Variants in PPP2R2B observed in about 807,000 individuals in gnomAD.
The protein encoded by PPP2R2B is protein phosphatase 2 regulatory subunit Bbeta.
Under a neutral mutation model 46.0 loss-of-function variants are expected in PPP2R2B, and 5 were observed. That is an observed-to-expected ratio of 0.11 (90% confidence interval 0.06 to 0.23). The LOEUF is 0.23. PPP2R2B is among the 10% of genes least tolerant of loss of function. PPP2R2B has a pLI of 1.00. For missense variants in PPP2R2B, 367 were observed against 575.0 expected (o/e 0.64, Z 3.70); for synonymous variants, 215 against 206.7 (o/e 1.04, Z -0.34).
At chr5:146,794,391 C>T (rs1756392380) in intron 2 of PPP2R2B, among the ~76,000 whole-genome samples, 1 of 152,170 alleles carries the variant, frequency 6.6e-6, no homozygotes, top group South Asian at 2.1e-4. Context: ...TTTCATTTGT[C>T]AGTGGAGACC....
intron 1 of PPP2R2B, among the ~76,000 whole-genome samples, chr5:146,926,539 C>T (rs1018681590): frequency 3.3e-5 from 5 of 151,932 alleles, no homozygotes; most frequent in South Asian, 2.1e-4. Context: ...CCACAGGCTC[C>T]GATTTTATTT....
At chr5:146,892,024 G>A (rs1762506232) in intron 1 of PPP2R2B, among the ~76,000 whole-genome samples, 1 of 152,178 alleles carries the variant, frequency 6.6e-6, no homozygotes, top group South Asian at 2.1e-4. Flanking sequence ...TTAGCAGAGT[G>A]ACACTTTCCA....
chr5:146,990,584 CAAAT>C lies in PPP2R2B; in HGVS notation c.79+65077_79+65080del, dbSNP rs1440177597. ...AAAATGAACTCTAAATAAATTAAGA[CAAAT>C]ACAAGGCTTAAAACTATGAAACTAT... On this transcript the variant is annotated intron_variant, in intron 1 of 8. Coordinates refer to the PPP2R2B transcript ENST00000336640. 2.6e-5 allele frequency among the ~76,000 whole-genome samples: 4 copies of C among 151,914 alleles called. No homozygotes were observed. In the East Asian group the frequency reaches 7.7e-4, roughly 29 times the overall value.
intron 2 of PPP2R2B, among the ~76,000 whole-genome samples, chr5:146,860,951 C>A (rs1404173743): frequency 6.6e-6 from 1 of 152,030 alleles, no homozygotes; most frequent in African/African-American, 2.4e-5. Context: ...CCTTTTCACC[C>A]AGATCTTCAG....
chr5:147,021,418 T>A (rs1274961157), intron 1 of PPP2R2B, among the ~76,000 whole-genome samples: 1 of 152,196 alleles, frequency 6.6e-6, no homozygotes, highest in Non-Finnish European at 1.5e-5. Context: ...AGAAGTCCTA[T>A]TGAGTCTTTG....
intron 1 of PPP2R2B, among the ~76,000 whole-genome samples, chr5:146,961,138 C>A (rs992109469): frequency 6.6e-6 from 1 of 152,110 alleles, no homozygotes; most frequent in Non-Finnish European, 1.5e-5. Flanking sequence ...TTTGCATTAT[C>A]ATTTTTAAAG....
At chr5:146,868,698 C>G (rs1761451196) in intron 2 of PPP2R2B, among the ~76,000 whole-genome samples, 1 of 152,172 alleles carries the variant, frequency 6.6e-6, no homozygotes, top group Non-Finnish European at 1.5e-5. Flanking sequence ...ATTTTCAAAT[C>G]CTTGGTAGAA....
intron 7 of PPP2R2B, among the ~76,000 whole-genome samples, chr5:146,620,768 C>A (rs1240681978): frequency 6.6e-6 from 1 of 152,172 alleles, no homozygotes; most frequent in East Asian, 1.9e-4. Flanking sequence ...CCCCTCCCTC[C>A]TTCCCTCTCA....
chr5:146,642,184 A>C (rs1297140641), intron 6 of PPP2R2B, among the ~76,000 whole-genome samples: 30 of 152,312 alleles, frequency 2.0e-4, no homozygotes, highest in East Asian at 3.9e-4. Flanking sequence ...TGGAAGGCAG[A>C]AGAGGGGAAG....
At chr5:146,872,553 TA>T (rs1354803851) in intron 2 of PPP2R2B, among the ~76,000 whole-genome samples, 1 of 152,184 alleles carries the variant, frequency 6.6e-6, no homozygotes, top group Non-Finnish European at 1.5e-5. Flanking sequence ...TTATTCATTA[TA>T]AGTTTCCCCT....
At chr5:146,768,896 T>C (rs1754661465) in intron 2 of PPP2R2B, among the ~76,000 whole-genome samples, 1 of 151,816 alleles carries the variant, frequency 6.6e-6, no homozygotes, top group African/African-American at 2.4e-5. Flanking sequence ...TACTTTTTTT[T>C]TTTTTTGAGA....
chr5:146,686,699 G>A (rs1044470152), intron 5 of PPP2R2B, among the ~76,000 whole-genome samples: 8 of 152,128 alleles, frequency 5.3e-5, no homozygotes, highest in African/African-American at 1.4e-4. Context: ...TAAAAATGCC[G>A]ATTTCAACCT....
intron 5 of PPP2R2B, among the ~76,000 whole-genome samples, chr5:146,662,524 G>A (rs908131443): frequency 6.6e-6 from 1 of 152,044 alleles, no homozygotes; most frequent in Non-Finnish European, 1.5e-5. Flanking sequence ...TTCTGCCATG[G>A]GGTGATGTTG....
intron 2 of PPP2R2B, among the ~76,000 whole-genome samples, chr5:146,756,017 G>T (rs1753810084): frequency 6.6e-6 from 1 of 152,150 alleles, no homozygotes; most frequent in Non-Finnish European, 1.5e-5. Context: ...ACTTACATTT[G>T]CATATCTCTG....
intron 7 of PPP2R2B, among the ~76,000 whole-genome samples, chr5:146,630,737 C>A (rs1161375786): frequency 6.6e-6 from 1 of 152,194 alleles, no homozygotes; most frequent in African/African-American, 2.4e-5. Flanking sequence ...GCTCTTCCTG[C>A]TCCCACACTT....
intron 1 of PPP2R2B, among the ~76,000 whole-genome samples, chr5:146,990,470 G>GA (rs1272157698): frequency 2.0e-5 from 3 of 151,958 alleles, no homozygotes; most frequent in Admixed American, 1.3e-4. Flanking sequence ...TGCACACTGA[G>GA]AAAAAACAGT....
intron 2 of PPP2R2B, among the ~76,000 whole-genome samples, chr5:146,785,336 C>T (rs1397313137): frequency 6.6e-6 from 1 of 152,134 alleles, no homozygotes; most frequent in Non-Finnish European, 1.5e-5. Context: ...TGCTTGAGCC[C>T]AGGAGCTCAA....
In PPP2R2B at chr5:147,035,298, C is replaced by A; in HGVS notation, c.79+20367G>T. The A allele has an allele frequency of 5.6e-6, 2 of 359,438 alleles. 1 individual carries two copies. The highest frequency in any genetic ancestry group is 4.1e-5 in the South Asian group (2 of 48,910). 22.3% of individuals were successfully genotyped at this position (359,438 alleles called of 1,614,324 possible). On this transcript the variant is annotated intron_variant, in intron 1 of 8. Transcript: ENST00000336640. ...TGAGGGGAGAAGGTGCCACACTTTT[C>A]AACCATTAGATCTCATGAGAACTCT...
rs767431890 is a variant in PPP2R2B at position 147,010,686 on chromosome 5, G to A, written c.79+44979C>T. ...AGATGAAGCTTCACTTTGCTTGCCCGCCGCTCACCTACTGCCCTCCTGCTG... is the reference window on the plus strand; with the variant it reads ...AGATGAAGCTTCACTTTGCTTGCCCACCGCTCACCTACTGCCCTCCTGCTG... On this transcript the variant is annotated intron_variant, in intron 1 of 8. Coordinates refer to the PPP2R2B transcript ENST00000336640. Among the ~76,000 whole-genome samples the A allele has an allele frequency of 5.7e-4, 87 of 152,138 alleles. 2 individuals are homozygous for A. The highest frequency in any genetic ancestry group is 3.2e-3 in the Middle Eastern group (1 of 316).
Sources: allele counts gnomAD v4.1 joint callset (sites outside exome capture counted in the v4.1 genomes callset), GRCh38; gene constraint gnomAD v4.1.1; transcripts MANE v1.5; gene names NCBI Gene and HGNC (gene_info 2026-07-23, HGNC 2026-07-21).